BRF1: variants seen among roughly 807,000 people sequenced by gnomAD.
BRF1 encodes BRF1 general transcription factor IIIB subunit.
Under a neutral mutation model 81.7 loss-of-function variants are expected in BRF1, and 59 were observed. The ratio of observed to expected loss-of-function variants is 0.72; its 90% CI spans 0.59 to 0.90. The LOEUF is 0.90. Ranked by LOEUF, BRF1 falls within the 40% of genes least tolerant of loss-of-function variation. The probability of loss-of-function intolerance (pLI) is 0.00; values close to 1 mark genes in which losing one functional copy is unlikely to be tolerated. For synonymous variants in BRF1, 491 were observed against 395.6 expected (o/e 1.24, Z -2.86); for missense variants, 1,050 against 936.3 (o/e 1.12, Z -1.58).
chr14:105,262,824 T>G (rs192093699), intron 3 of BRF1, among the ~76,000 whole-genome samples: 9 of 152,188 alleles, frequency 5.9e-5, no homozygotes, highest in Admixed American at 5.2e-4. Context: ...AGCTCGGGCC[T>G]CCTTCCAATT....
At chr14:105,241,955 G>C (rs1018451074) in intron 5 of BRF1, 2 of 166,820 alleles carry the variant, frequency 1.2e-5, no homozygotes, top group African/African-American at 4.7e-5. Context: ...AGTGCCACGG[G>C]GGAGTGCCTG....
intron 2 of BRF1, among the ~76,000 whole-genome samples, chr14:105,274,892 T>C (rs1320425386): frequency 2.0e-5 from 3 of 152,156 alleles, no homozygotes; most frequent in African/African-American, 4.8e-5. Context: ...ATTAGCCCCA[T>C]GGGGTACCCA....
rs755055022 is a variant in BRF1 at position 105,228,906 on chromosome 14, C to G, written c.702G>C (p.Leu234=). The change falls in exon 7 of 18, where the codon CTG becomes CTC. Residue 234 remains leucine, a synonymous_variant. Coordinates refer to ENST00000547530, the MANE Select transcript of BRF1 (RefSeq NM_001519.4). ...RPSGLCGAAL[L]VAARMHDFRR... is the part of the protein sequence containing the mutation. The stretch of plus-strand genomic sequence containing the variant: ...TGAAGTCATGCATTCTGGCTGCAAC[C>G]AGGAGCGCTGGAAGGCAACGAGACG... 3.7e-6 allele frequency: 6 copies of G among 1,613,592 alleles called. No homozygotes were observed. The highest frequency in any genetic ancestry group is 1.7e-4 in the Middle Eastern group (1 of 6,060).
At chr14:105,229,340 T>A (rs926134473) in intron 6 of BRF1, among the ~76,000 whole-genome samples, 2 of 152,136 alleles carry the variant, frequency 1.3e-5, no homozygotes. Context: ...GCCCAGAACC[T>A]CCAGTGCAAA....
rs1197081074 is a variant in BRF1, at chr14:105,227,528, T to TCTGGCGGCTTCTC, written c.789-781_789-769dup. 3 of 152,514 alleles carry TCTGGCGGCTTCTC rather than the reference T, an allele frequency of 2.0e-5. No homozygotes were observed. The South Asian group carries it at 6.2e-4, about 32-fold the overall frequency. The allele number at this position is 152,514 out of a possible 1,614,324, so 9.4% of individuals were successfully genotyped here. A position where few individuals can be genotyped will look rare whatever the true frequency, so the allele number is the denominator to read the frequency against. On this transcript the variant is annotated intron_variant, in intron 7 of 17. Transcript: ENST00000547530. Reference sequence around the variant, plus strand: ...CTTGCCCCTCGGCGCCCAGGTCCCTTCTGGCGGCTTCTCCACCCCTACCCG... The same window carrying TCTGGCGGCTTCTC: ...CTTGCCCCTCGGCGCCCAGGTCCCTTCTGGCGGCTTCTCCTGGCGGCTTCTCCACCCCTACCCG...
At chr14:105,214,463 C>T (rs1252231012) in intron 15 of BRF1, among the ~76,000 whole-genome samples, 3 of 77,072 alleles carry the variant, frequency 3.9e-5, no homozygotes, top group East Asian at 2.2e-4. Context: ...GGCTCAGCTG[C>T]CCACACCCCT....
rs186545857 is a variant in BRF1, at chr14:105,272,901, C to T, written c.266-7G>A. Reference sequence around the variant, plus strand: ...TGGTGGATGTGGCGCCTCCCTAGGACACAGCACGAGGCAGCTCTTAGCCAA... The same window carrying T: ...TGGTGGATGTGGCGCCTCCCTAGGATACAGCACGAGGCAGCTCTTAGCCAA... On this transcript the variant is annotated splice_region_variant and splice_polypyrimidine_tract_variant and intron_variant, in intron 2 of 17. Coordinates refer to ENST00000547530, the MANE Select transcript of BRF1 (RefSeq NM_001519.4). The T allele has an allele frequency of 6.2e-7, 1 of 1,600,186 alleles. No homozygotes were observed. The highest frequency in any genetic ancestry group is 8.5e-7 in the Non-Finnish European group (1 of 1,169,854).
rs201907081 is a variant in BRF1, at chr14:105,226,587, C to G, written c.915+47G>C. ...CCCAGTCGGGGTGTGTGGCTTCCCC[C>G]CAAGGCTGGCAAGCCCAGCACAGAC... On this transcript the variant is annotated intron_variant, in intron 8 of 17. Transcript: ENST00000547530. 1.3e-3 allele frequency: 2,016 copies of G among 1,609,814 alleles called. 2 individuals are homozygous for G. Among genetic ancestry groups the G allele is most frequent in the Admixed American group, 1.5e-3 (87 of 59,786 alleles).
intron 5 of BRF1, among the ~76,000 whole-genome samples, chr14:105,243,997 C>T (rs947242452): frequency 2.6e-5 from 4 of 152,116 alleles, no homozygotes; most frequent in African/African-American, 9.7e-5. Flanking sequence ...GAGACTCCAT[C>T]TCAAACAAAC....
chr14:105,288,740 TCTC>T (rs2057409740), intron 1 of BRF1, among the ~76,000 whole-genome samples: 1 of 149,784 alleles, frequency 6.7e-6, no homozygotes, highest in Non-Finnish European at 1.5e-5. Flanking sequence ...TTCATGCCAT[TCTC>T]CTGCCTCAGC....
intron 5 of BRF1, among the ~76,000 whole-genome samples, chr14:105,246,192 C>G (rs967565986): frequency 6.6e-6 from 1 of 151,794 alleles, no homozygotes; most frequent in Non-Finnish European, 1.5e-5. Context: ...CGCACTCCAG[C>G]CTGGGCAACG....
chr14:105,217,192 G>A, intron 15 of BRF1: 1 of 403,218 alleles, frequency 2.5e-6, no homozygotes, highest in Non-Finnish European at 4.6e-6. Context: ...GGTGCGCAGA[G>A]CAGGCACAGG....
chr14:105,300,103 C>T (rs1401615455), intron 1 of BRF1, among the ~76,000 whole-genome samples: 2 of 152,244 alleles, frequency 1.3e-5, no homozygotes, highest in African/African-American at 4.8e-5. Flanking sequence ...ATTCTAAGTA[C>T]CAGACATTGC....
chr14:105,248,568 CTCGG>C (rs1445395882), intron 5 of BRF1: 5 of 203,498 alleles, frequency 2.5e-5, no homozygotes, highest in African/African-American at 1.0e-4. Flanking sequence ...CGGGTACGGG[CTCGG>C]GCGGGCGGGC....
rs145632743 is a variant in BRF1, at chr14:105,251,920, C to T, written c.544+587G>A. ...GACTTACCCTACACCTAACACACAT[C>T]AAGAAAGGCATACAGGAGTTCCACA... On this transcript the variant is annotated intron_variant, in intron 5 of 17. Coordinates refer to ENST00000547530, the MANE Select transcript of BRF1 (RefSeq NM_001519.4). Among the ~76,000 whole-genome samples the T allele has an allele frequency of 8.5e-3, 1,291 of 152,092 alleles. 16 individuals carry two copies. The highest frequency in any genetic ancestry group is 0.029 in the African/African-American group (1,213 of 41,476).
intron 5 of BRF1, among the ~76,000 whole-genome samples, chr14:105,246,595 G>T (rs970519501): frequency 6.6e-6 from 1 of 151,738 alleles, no homozygotes; most frequent in African/African-American, 2.4e-5. Context: ...TTGGCCTCCC[G>T]AATAGCTGGG....
At chr14:105,306,018 G>C (rs2058177626) in intron 1 of BRF1, among the ~76,000 whole-genome samples, 1 of 152,258 alleles carries the variant, frequency 6.6e-6, no homozygotes, top group Non-Finnish European at 1.5e-5. Flanking sequence ...AGCAGAGCGG[G>C]GCCCAGGCTG....
intron 5 of BRF1, among the ~76,000 whole-genome samples, chr14:105,243,495 C>A (rs1452469474): frequency 6.7e-6 from 1 of 150,002 alleles, no homozygotes; most frequent in African/African-American, 2.5e-5. Context: ...TGGGTGTGGT[C>A]TAGTCCCAGC....
chr14:105,220,800 C>G (rs2141475174), intron 11 of BRF1, among the ~76,000 whole-genome samples: 1 of 152,374 alleles, frequency 6.6e-6, no homozygotes, highest in South Asian at 2.1e-4. Flanking sequence ...TCCTGCCATG[C>G]TGCTCCAGGG....
Sources: gnomAD v4.1 joint callset for allele counts (sites outside exome capture counted in the v4.1 genomes callset) on GRCh38, gnomAD v4.1.1 for gene constraint, MANE v1.5 for transcripts, NCBI Gene and HGNC (gene_info 2026-07-23, HGNC 2026-07-21) for gene names.